The following MAPKAP1 variants were observed in gnomAD, a reference collection of about 807,000 sequenced individuals.
The protein encoded by MAPKAP1 is target of rapamycin complex 2 subunit MAPKAP1.
Under a neutral mutation model 65.7 loss-of-function variants are expected in MAPKAP1, and 20 were observed. The ratio of observed to expected loss-of-function variants is 0.30; its 90% CI spans 0.21 to 0.44. The LOEUF (loss-of-function observed/expected upper bound fraction) is 0.44. MAPKAP1 is among the 20% of genes least tolerant of loss of function. The probability of loss-of-function intolerance (pLI) is 1.00; values close to 1 mark genes in which losing one functional copy is unlikely to be tolerated. For missense variants in MAPKAP1, 423 were observed against 648.0 expected, an observed-to-expected ratio of 0.65 and a Z score of 3.77; for synonymous variants, 222 against 244.3, an observed-to-expected ratio of 0.91 and a Z score of 0.85.
chr9:125,477,417 G>A (rs1195477761), intron 9 of MAPKAP1, among the ~76,000 whole-genome samples: 2 of 152,150 alleles, frequency 1.3e-5, no homozygotes, highest in Non-Finnish European at 2.9e-5. Flanking sequence ...GAGATAAGGG[G>A]TAAGAAAGTC....
chr9:125,683,546 G>A (rs958907418), intron 1 of MAPKAP1, among the ~76,000 whole-genome samples: 9 of 152,200 alleles, frequency 5.9e-5, no homozygotes, highest in South Asian at 2.1e-4. Context: ...ACTAGCAAGA[G>A]AAGGAGGATC....
chr9:125,564,165 G>A (rs1254523585), intron 5 of MAPKAP1, among the ~76,000 whole-genome samples: 1 of 152,210 alleles, frequency 6.6e-6, no homozygotes, highest in East Asian at 1.9e-4. Context: ...AAGACTAGAG[G>A]AGAAGGCAGC....
intron 5 of MAPKAP1, among the ~76,000 whole-genome samples, chr9:125,577,966 A>G (rs993343830): frequency 8.6e-5 from 13 of 151,724 alleles, no homozygotes; most frequent in South Asian, 2.1e-4. Flanking sequence ...CCATGATGAC[A>G]ATGGCGGTTT....
intron 4 of MAPKAP1, among the ~76,000 whole-genome samples, chr9:125,650,691 T>A (rs1833868346): frequency 6.6e-6 from 1 of 152,136 alleles, no homozygotes; most frequent in African/African-American, 2.4e-5. Flanking sequence ...ACTGGCAAGG[T>A]TCACAGCTAA....
chr9:125,553,299 T>G (rs1245123094), intron 6 of MAPKAP1, among the ~76,000 whole-genome samples: 2 of 152,050 alleles, frequency 1.3e-5, no homozygotes, highest in Admixed American at 1.3e-4. Context: ...GGGGAGGATT[T>G]GGGAGGTAGA....
chr9:125,527,346 G>GT (rs1829802811), intron 7 of MAPKAP1, among the ~76,000 whole-genome samples: 1 of 152,174 alleles, frequency 6.6e-6, no homozygotes, highest in Non-Finnish European at 1.5e-5. Context: ...GATTACAGGC[G>GT]TGAGCCACCG....
At chr9:125,619,349 T>C (rs1441397232) in intron 4 of MAPKAP1, among the ~76,000 whole-genome samples, 2 of 151,792 alleles carry the variant, frequency 1.3e-5, no homozygotes, top group African/African-American at 2.4e-5. Flanking sequence ...GTATACAAAA[T>C]GGAAATCAAA....
At position 125,438,781 on chromosome 9, in the gene MAPKAP1, G is replaced by A; in HGVS notation, c.*106C>T. Reference sequence around the variant, plus strand: ...ACCTGCCCTGTGCCAGTGAGCCAGGGGCTGGCCTCCCCCCGAGGACTTCAG... The same window carrying A: ...ACCTGCCCTGTGCCAGTGAGCCAGGAGCTGGCCTCCCCCCGAGGACTTCAG... On this transcript the variant is annotated 3_prime_UTR_variant, in exon 12 of 12. Transcript: ENST00000265960. The A allele has an allele frequency of 2.0e-6, 3 of 1,489,748 alleles. No individual in the cohort carries two copies. Among genetic ancestry groups the A allele is most frequent in the Non-Finnish European group, 2.7e-6 (3 of 1,092,138 alleles). 92.3% of individuals were successfully genotyped at this position (1,489,748 alleles called of 1,614,324 possible).
chr9:125,456,780 C>T (rs879853751), intron 10 of MAPKAP1, among the ~76,000 whole-genome samples: 61 of 152,176 alleles, frequency 4.0e-4, no homozygotes, highest in Non-Finnish European at 7.5e-4. Context: ...TGACTGCAGT[C>T]CCAGCTGATG....
intron 7 of MAPKAP1, among the ~76,000 whole-genome samples, chr9:125,511,882 G>A (rs1422870431): frequency 6.6e-6 from 1 of 152,200 alleles, no homozygotes; most frequent in Non-Finnish European, 1.5e-5. Context: ...TTACTCTGCA[G>A]CGACGGGAAA....
rs942714895 is a variant in MAPKAP1, at chr9:125,438,973, C to T, written c.1483G>A (p.Ala495Thr). Residue 495 changes from alanine (A) to threonine (T), a missense_variant, in exon 12 of 12, where the codon GCT (alanine) becomes ACT (threonine). By Grantham distance (58) the Ala-to-Thr change is moderately conservative. Around this residue, in one of 6 missense-constraint regions of MAPKAP1, gnomAD observed 185 missense variants for 268.1 expected, o/e 0.69. Transcript: ENST00000265960. The stretch of plus-strand genomic sequence containing the variant: ...CTTTGTTTTTGAGCAAAGTAGTCAG[C>T]CCGGGCAGTGCTAGCTCGCGATTCC... ...ILESRASTARADYFAQKQRKL... is the reference protein window; with the variant it reads ...ILESRASTARTDYFAQKQRKL... 2.2e-5 allele frequency: 35 copies of T among 1,614,004 alleles called. No individual in the cohort carries two copies. The East Asian group carries it at 7.6e-4, about 35-fold the overall frequency.
At chr9:125,582,933 G>A (rs1478721776) in intron 5 of MAPKAP1, among the ~76,000 whole-genome samples, 1 of 152,092 alleles carries the variant, frequency 6.6e-6, no homozygotes. Context: ...CATCACCCAT[G>A]CCCTGACTAG....
chr9:125,459,801 C>T (rs1486069297), intron 10 of MAPKAP1, among the ~76,000 whole-genome samples: 6 of 150,252 alleles, frequency 4.0e-5, no homozygotes, highest in Admixed American at 2.0e-4. Flanking sequence ...AGAGGGAGAC[C>T]GTGGAAAGAG....
intron 7 of MAPKAP1, among the ~76,000 whole-genome samples, chr9:125,527,641 C>T (rs927668780): frequency 3.9e-5 from 6 of 152,322 alleles, no homozygotes; most frequent in Admixed American, 6.5e-5. Flanking sequence ...CACACCCACA[C>T]GTCCTTTGGA....
chr9:125,493,093 G>A (rs1854795478), intron 8 of MAPKAP1, among the ~76,000 whole-genome samples: 1 of 152,200 alleles, frequency 6.6e-6, no homozygotes, highest in Non-Finnish European at 1.5e-5. Context: ...AGAAAATGGT[G>A]GGGGTGGGAG....
intron 4 of MAPKAP1, among the ~76,000 whole-genome samples, chr9:125,617,108 G>C (rs1376545567): frequency 6.6e-6 from 1 of 152,116 alleles, no homozygotes; most frequent in East Asian, 1.9e-4. Context: ...TGTATGCATA[G>C]ATCAAAACTT....
At position 125,447,545 on chromosome 9, in the gene MAPKAP1, G is replaced by A. The variant is rs1464382984; in HGVS notation, c.1346-2947C>T. ...CATGCTGGGCCATAGGACATGGGGC[G>A]GACTCACTCCGCGGGCGTTTCTGCC... On this transcript the variant is annotated intron_variant, in intron 10 of 11. Coordinates refer to ENST00000265960, the MANE Select transcript of MAPKAP1 (RefSeq NM_001006617.3). The surrounding 1 kb of genome is among the most constrained non-coding windows in gnomAD (Gnocchi z 4.5). 1.8e-5 allele frequency: 8 copies of A among 452,048 alleles called. No individual in the cohort carries two copies. The highest frequency in any genetic ancestry group is 2.4e-5 in the Admixed American group (1 of 42,344). 28.0% of individuals were successfully genotyped at this position (452,048 alleles called of 1,614,324 possible). A position where few individuals can be genotyped will look rare whatever the true frequency, so the allele number is the denominator to read the frequency against.
intron 9 of MAPKAP1, among the ~76,000 whole-genome samples, chr9:125,482,440 A>T (rs2133032755): frequency 6.6e-6 from 1 of 152,242 alleles, no homozygotes; most frequent in East Asian, 1.9e-4. Flanking sequence ...CTTCTTTTTG[A>T]TCAGTCTTAT....
intron 4 of MAPKAP1, among the ~76,000 whole-genome samples, chr9:125,602,055 C>T (rs1280578667): frequency 6.6e-6 from 1 of 151,954 alleles, no homozygotes; most frequent in African/African-American, 2.4e-5. Context: ...GGAGTCGAGA[C>T]CAGCCAAGGC....
Sources: gnomAD v4.1 joint callset for allele counts (sites outside exome capture counted in the v4.1 genomes callset) on GRCh38, gnomAD v4.1.1 for gene constraint, gnomAD v4.1.1 regional missense constraint, Gnocchi (gnomAD v3.1) non-coding constraint, MANE v1.5 for transcripts, NCBI Gene and HGNC (gene_info 2026-07-23, HGNC 2026-07-21) for gene names.